Variants in XIST observed in about 807,000 individuals in gnomAD.
XIST encodes the protein X inactive specific transcript (non-protein coding).
chrX:73,826,158 A>G, exon 6 of XIST: 1 of 559,097 alleles, frequency 1.8e-6, no homozygotes, highest in Non-Finnish European at 3.2e-6. Flanking sequence ...TGCTTCTCAG[A>G]AGTCTGGCAC....
chrX:73,825,905 A>C (rs1794213), exon 6 of XIST: 54,477 of 557,191 alleles, frequency 0.098, 2,015 homozygotes, highest in African/African-American at 0.14. Context: ...GAAAGTATTA[A>C]ACATGCTCAA....
At chrX:73,829,199 T>G in exon 5 of XIST, 1 of 557,990 alleles carries the variant, frequency 1.8e-6, no homozygotes, top group Non-Finnish European at 3.2e-6. Flanking sequence ...TTGTAGGAAG[T>G]ATAATGATTT....
chrX:73,852,348 AAAT>A (rs1260724840), exon 1 of XIST: 2 of 545,683 alleles, frequency 3.7e-6, no homozygotes, highest in Admixed American at 2.3e-5. Context: ...GGCAAAGAAA[AAAT>A]AATAAAACCA....
intron 5 of XIST, chrX:73,828,223 G>C (rs1007741527): frequency 1.7e-4 from 55 of 325,597 alleles, no homozygotes; most frequent in Non-Finnish European, 2.5e-4. Context: ...TTTTACCTTA[G>C]GGATTTCTTA....
At position 73,851,516 on chromosome X, in the gene XIST, A is replaced by G. The variant is rs765110949; in HGVS notation, n.1208T>C. The G allele has an allele frequency of 2.3e-4, 130 of 557,266 alleles. 1 individual carries two copies. In the Admixed American group the frequency reaches 2.8e-3, roughly 12 times the overall value. The allele number at this position is 557,266 out of a possible 1,213,427, so 45.9% of individuals were successfully genotyped here. On this transcript the variant is annotated non_coding_transcript_exon_variant, in exon 1 of 6. Coordinates refer to ENST00000429829, the Ensembl canonical transcript of XIST. ...GCCATTTTGGACAACCTAACAAAGCACAGCCCGCCATGCTGAGCAATGCCG... is the reference window on the plus strand; with the variant it reads ...GCCATTTTGGACAACCTAACAAAGCGCAGCCCGCCATGCTGAGCAATGCCG...
chrX:73,824,313 T>C (rs768373469), exon 6 of XIST: 2 of 516,320 alleles, frequency 3.9e-6, no homozygotes, highest in South Asian at 2.5e-5. Context: ...TTTTCCTACT[T>C]TATTTGCACA....
At chrX:73,827,643 T>A (rs1488008959) in exon 6 of XIST, 1 of 549,258 alleles carries the variant, frequency 1.8e-6, no homozygotes, top group South Asian at 2.3e-5. Context: ...GGGTAACAAA[T>A]AATCACAGTT....
rs899786521 is a variant in XIST at position 73,824,212 on chromosome X, T to C, written n.15689A>G. On this transcript the variant is annotated non_coding_transcript_exon_variant, in exon 6 of 6. Transcript: ENST00000429829. ...CATCCCCAATGCCTAGCAATGAGAT[T>C]GGCACACAATAGATAACTACTATAG... 4.1e-5 allele frequency: 21 copies of C among 514,029 alleles called. No homozygotes were observed. The African/African-American group carries it at 4.1e-4, about 10-fold the overall frequency. 42.4% of individuals were successfully genotyped at this position (514,029 alleles called of 1,213,427 possible).
exon 6 of XIST, chrX:73,824,787 A>G: frequency 1.8e-6 from 1 of 558,770 alleles, no homozygotes; most frequent in African/African-American, 2.2e-5. Context: ...GGTTACCTGG[A>G]AAAATGTATC....
chrX:73,847,647 C>G (rs1423169000), exon 1 of XIST: 1 of 517,326 alleles, frequency 1.9e-6, no homozygotes, highest in African/African-American at 2.3e-5. Context: ...ATAAAAGACT[C>G]AGTTCTAATC....
exon 6 of XIST, chrX:73,822,709 C>T (rs1229374712): frequency 7.4e-6 from 4 of 542,807 alleles, no homozygotes; most frequent in Admixed American, 2.3e-5. Flanking sequence ...ATCTCCAAGT[C>T]AGAATAAATG....
exon 6 of XIST, chrX:73,823,309 CTTTT>C (rs375977945): frequency 2.4e-4 from 104 of 436,934 alleles, no homozygotes; most frequent in South Asian, 5.3e-4. Context: ...ATTTTTCTTT[CTTTT>C]TTTTTTTTTT....
intron 2 of XIST, among the ~76,000 whole-genome samples, chrX:73,834,146 C>T (rs1164619580): frequency 1.8e-5 from 2 of 111,954 alleles, no homozygotes; most frequent in African/African-American, 6.5e-5. Context: ...TTAAACATGG[C>T]GGTTCATACA....
intron 1 of XIST, among the ~76,000 whole-genome samples, chrX:73,838,065 G>A (rs140791208): frequency 1.8e-5 from 2 of 111,493 alleles, no homozygotes; most frequent in East Asian, 5.6e-4. Flanking sequence ...AAAATAAGTC[G>A]TAAGTTAGTA....
At chrX:73,849,141 G>T (rs754405472) in exon 1 of XIST, 4 of 559,159 alleles carry the variant, frequency 7.2e-6, no homozygotes, top group Non-Finnish European at 1.3e-5. Flanking sequence ...ATGCAAGGGC[G>T]ACTGGTAGTC....
exon 1 of XIST, chrX:73,850,105 C>T (rs764227913): frequency 3.6e-6 from 2 of 558,928 alleles, no homozygotes; most frequent in East Asian, 3.2e-5. Flanking sequence ...AAAGCAAGGC[C>T]TGGACCTGTG....
chrX:73,844,479 A>T (rs775522931), exon 1 of XIST: 1 of 559,215 alleles, frequency 1.8e-6, no homozygotes, highest in South Asian at 2.2e-5. Context: ...AGGGGGTCTG[A>T]GAGTAGGACT....
At chrX:73,824,629 T>C in exon 6 of XIST, 1 of 554,413 alleles carries the variant, frequency 1.8e-6, no homozygotes, top group Non-Finnish European at 3.3e-6. Context: ...ATACCTAGCT[T>C]ACAGAAAGTT....
At position 73,851,178 on chromosome X, in the gene XIST, G is replaced by A. The variant is rs779069545; in HGVS notation, n.1546C>T. On this transcript the variant is annotated non_coding_transcript_exon_variant, in exon 1 of 6. Transcript: ENST00000429829. Reference sequence around the variant, plus strand: ...CACTGTCCATCCCACCTTTTCTCCCGCTCTGCGTGGCACTAGGCGGCAAAA... The same window carrying A: ...CACTGTCCATCCCACCTTTTCTCCCACTCTGCGTGGCACTAGGCGGCAAAA... The A allele has an allele frequency of 5.4e-6, 3 of 559,253 alleles. No individual in the cohort carries two copies. In the Admixed American group the frequency reaches 6.6e-5, roughly 12 times the overall value. 46.1% of individuals were successfully genotyped at this position (559,253 alleles called of 1,213,427 possible). A position where few individuals can be genotyped will look rare whatever the true frequency, so the allele number is the denominator to read the frequency against.
Sources: allele counts gnomAD v4.1 joint callset (sites outside exome capture counted in the v4.1 genomes callset), GRCh38; gene constraint gnomAD v4.1.1; transcripts MANE v1.5; gene names NCBI Gene and HGNC (gene_info 2026-07-23, HGNC 2026-07-21).